The following LDLRAD3 variants were observed in gnomAD, a reference collection of about 807,000 sequenced individuals.
LDLRAD3 encodes low-density lipoprotein receptor class A domain-containing protein 3.
A neutral mutation model predicts 29.4 loss-of-function variants in LDLRAD3; 20 were observed. The observed-to-expected ratio is 0.68, with a 90% CI of 0.48 to 0.99. The LOEUF is 0.99. Among genes scored for constraint, LDLRAD3 ranks in the 50% least tolerant of loss-of-function variants. The pLI, the probability that LDLRAD3 is intolerant of heterozygous loss-of-function variation, is 0.00. For missense variants in LDLRAD3, 420 were observed against 454.3 expected (o/e 0.92, Z 0.69); for synonymous variants, 157 against 192.7 (o/e 0.81, Z 1.53).
chr11:35,968,236 A>G (rs1851366523), intron 1 of LDLRAD3: 1 of 405,858 alleles, frequency 2.5e-6, no homozygotes, highest in East Asian at 6.5e-5. Context: ...TTTGGGGTGA[A>G]GGGATTAGTA....
At chr11:36,162,984 A>G (rs187330799) in intron 4 of LDLRAD3, among the ~76,000 whole-genome samples, 1 of 152,308 alleles carries the variant, frequency 6.6e-6, no homozygotes, top group Non-Finnish European at 1.5e-5. Flanking sequence ...GAGACCAAAC[A>G]GCTTCTTCCT....
intron 2 of LDLRAD3, among the ~76,000 whole-genome samples, chr11:36,071,674 A>G (rs536249160): frequency 4.5e-4 from 69 of 152,332 alleles, no homozygotes; most frequent in Non-Finnish European, 8.1e-4. Context: ...ATTTCTGCCT[A>G]TTAATTCAGT....
chr11:36,108,285 A>G (rs992610119), intron 4 of LDLRAD3, among the ~76,000 whole-genome samples: 2 of 122,358 alleles, frequency 1.6e-5, no homozygotes, highest in African/African-American at 6.4e-5. Context: ...GCGCCATTGC[A>G]CTCCAGCCTG....
At chr11:36,087,335 T>C (rs1223068684) in intron 3 of LDLRAD3, among the ~76,000 whole-genome samples, 3 of 152,180 alleles carry the variant, frequency 2.0e-5, no homozygotes, top group South Asian at 2.1e-4. Flanking sequence ...AAGAATGATA[T>C]TGTGTCTATT....
intron 3 of LDLRAD3, among the ~76,000 whole-genome samples, chr11:36,092,480 A>G (rs79826334): frequency 0.062 from 9,475 of 152,134 alleles, 399 homozygotes; most frequent in Middle Eastern, 0.092. Flanking sequence ...CTATGTTTGT[A>G]TCCTTTAACC....
intron 1 of LDLRAD3, chr11:35,997,517 C>T (rs1851770243): frequency 5.5e-6 from 2 of 361,948 alleles, no homozygotes; most frequent in Non-Finnish European, 1.1e-5. Context: ...TCCTTAGACC[C>T]TTCCAGTCAC....
rs529189528 is a variant in LDLRAD3 at position 36,045,509 on chromosome 11, C to G, written c.193+9260C>G. The stretch of plus-strand genomic sequence containing the variant: ...GGGGAGGATCCTTCCTTGCCTTGTC[C>G]TCACTTCTACTGATTTGCTGTCTGA... On this transcript the variant is annotated intron_variant, in intron 2 of 5. Transcript: ENST00000315571. Among the ~76,000 whole-genome samples, 3 of 152,248 alleles carry G rather than the reference C, an allele frequency of 2.0e-5. No individual in the cohort carries two copies. In the South Asian group the frequency reaches 6.2e-4, roughly 32 times the overall value.
chr11:35,977,875 C>G (rs993269954), intron 1 of LDLRAD3, among the ~76,000 whole-genome samples: 1 of 152,098 alleles, frequency 6.6e-6, no homozygotes, highest in Non-Finnish European at 1.5e-5. Context: ...GGCCCCATCT[C>G]TTAACACTAT....
chr11:36,221,277 G>C (rs900843728), intron 4 of LDLRAD3, among the ~76,000 whole-genome samples: 1 of 152,014 alleles, frequency 6.6e-6, no homozygotes, highest in African/African-American at 2.4e-5. Flanking sequence ...CTTGAACCCA[G>C]GAGGTGGAGG....
intron 2 of LDLRAD3, among the ~76,000 whole-genome samples, chr11:36,056,703 T>C (rs1214861854): frequency 6.6e-6 from 1 of 152,198 alleles, no homozygotes; most frequent in African/African-American, 2.4e-5. Context: ...CCCTGAAGGG[T>C]GCAGCAGTGG....
At position 36,225,634 on chromosome 11, in the gene LDLRAD3, C is replaced by T. The variant is rs544505517; in HGVS notation, c.455-1451C>T. ...AAGTCAGACCCCTGGACTCAACTCA[C>T]GCACAACTCCTTACCTCCAAACTGT... On this transcript the variant is annotated intron_variant, in intron 4 of 5. Transcript: ENST00000315571. 5.5e-4 allele frequency among the ~76,000 whole-genome samples: 83 copies of T among 152,156 alleles called. 1 individual carries two copies. Among genetic ancestry groups the T allele is most frequent in the Middle Eastern group, 3.4e-3 (1 of 294 alleles).
chr11:36,001,764 TG>T (rs1851827936), intron 1 of LDLRAD3, among the ~76,000 whole-genome samples: 1 of 59,542 alleles, frequency 1.7e-5, no homozygotes, highest in South Asian at 9.5e-4. Flanking sequence ...TATACGTGTG[TG>T]TGTGTGTGTG....
intron 4 of LDLRAD3, among the ~76,000 whole-genome samples, chr11:36,221,546 A>C (rs1855429330): frequency 6.6e-6 from 1 of 152,120 alleles, no homozygotes; most frequent in South Asian, 2.1e-4. Flanking sequence ...CACATGCTGC[A>C]ATCCCAGCTA....
intron 4 of LDLRAD3, among the ~76,000 whole-genome samples, chr11:36,224,730 G>A (rs1386783661): frequency 1.3e-5 from 2 of 152,192 alleles, no homozygotes; most frequent in African/African-American, 4.8e-5. Context: ...GGACCTTGAA[G>A]GGGAAGGTCC....
intron 1 of LDLRAD3, among the ~76,000 whole-genome samples, chr11:35,952,296 G>A (rs1243894302): frequency 1.3e-5 from 2 of 152,150 alleles, no homozygotes; most frequent in Non-Finnish European, 2.9e-5. Context: ...GTATGTGTTG[G>A]GAGAAGAATT....
chr11:35,955,138 G>A (rs916402921), intron 1 of LDLRAD3, among the ~76,000 whole-genome samples: 1 of 152,116 alleles, frequency 6.6e-6, no homozygotes, highest in South Asian at 2.1e-4. Flanking sequence ...CCAGCTACTC[G>A]GGAGGCCGAG....
intron 1 of LDLRAD3, among the ~76,000 whole-genome samples, chr11:35,964,321 A>T (rs1851312902): frequency 6.6e-6 from 1 of 152,196 alleles, no homozygotes; most frequent in Admixed American, 6.5e-5. Context: ...GATTTGACCC[A>T]GTAGGAGACT....
intron 4 of LDLRAD3, among the ~76,000 whole-genome samples, chr11:36,175,583 G>A (rs1854663243): frequency 1.3e-5 from 2 of 152,160 alleles, no homozygotes; most frequent in African/African-American, 4.8e-5. Context: ...TCATTCAGGA[G>A]CAGATTATTT....
chr11:36,211,340 C>G (rs1003767599), intron 4 of LDLRAD3, among the ~76,000 whole-genome samples: 2 of 152,176 alleles, frequency 1.3e-5, no homozygotes, highest in Admixed American at 1.3e-4. Context: ...GATCATATGT[C>G]TAAACCATTG....
Sources: allele counts gnomAD v4.1 joint callset (sites outside exome capture counted in the v4.1 genomes callset), GRCh38; gene constraint gnomAD v4.1.1; transcripts MANE v1.5; gene names NCBI Gene and HGNC (gene_info 2026-07-23, HGNC 2026-07-21).